EML6: variants seen among roughly 807,000 people sequenced by gnomAD.
The protein encoded by EML6 is EMAP like 6.
In EML6, 154 loss-of-function variants were observed where a neutral mutation model predicts 240.1. The ratio of observed to expected loss-of-function variants is 0.64; its 90% CI spans 0.56 to 0.73. The LOEUF (loss-of-function observed/expected upper bound fraction) is 0.73. EML6 is among the 30% of genes least tolerant of loss of function. The pLI is 0.00. For missense variants in EML6, 2,964 were observed against 2,474.6 expected, an observed-to-expected ratio of 1.20 and a Z score of -4.20; for synonymous variants, 1,148 against 899.0, an observed-to-expected ratio of 1.28 and a Z score of -4.95.
At chr2:54,846,206 G>C (rs577458944) in intron 8 of EML6, among the ~76,000 whole-genome samples, 3 of 152,144 alleles carry the variant, frequency 2.0e-5, no homozygotes, top group African/African-American at 7.2e-5. Flanking sequence ...AGGGAAGCTT[G>C]TGAGGAGCAA....
intron 2 of EML6, among the ~76,000 whole-genome samples, chr2:54,803,153 TGTTCTTAACCACAAGAGCAAA>T (rs1670272747): frequency 6.6e-6 from 1 of 152,000 alleles, no homozygotes; most frequent in African/African-American, 2.4e-5. Context: ...GGAAGGGAGT[TGTTCTTAACCACAAGAGCAAA>T]ACAAAAGCCA....
chr2:54,843,840 A>T (rs1165561148), intron 7 of EML6, among the ~76,000 whole-genome samples: 8 of 48,238 alleles, frequency 1.7e-4, no homozygotes, highest in Admixed American at 1.4e-3. Flanking sequence ...GCAAGACTCC[A>T]TCTCAAAAAA....
rs544930301 is a variant in EML6, at chr2:54,800,708, C to T, written c.198-12524C>T. On this transcript the variant is annotated intron_variant, in intron 2 of 41. Coordinates refer to ENST00000356458, the MANE Select transcript of EML6 (RefSeq NM_001039753.4). Reference sequence around the variant, plus strand: ...CTTGGATGGGTAGATGGATGAACCACCATTCTGGATAGTAATTTTCGTGGT... The same window carrying T: ...CTTGGATGGGTAGATGGATGAACCATCATTCTGGATAGTAATTTTCGTGGT... 2.0e-5 allele frequency among the ~76,000 whole-genome samples: 3 copies of T among 152,180 alleles called. No homozygotes were observed. In the South Asian group the frequency reaches 6.2e-4, roughly 32 times the overall value.
At chr2:54,899,507 G>A in intron 21 of EML6, 134 bp from the exon 22 acceptor site, 1 of 842,980 alleles carries the variant, frequency 1.2e-6, no homozygotes, top group East Asian at 2.9e-5. Flanking sequence ...TTGGTTCAAG[G>A]AAGCTCAAAG....
At chr2:54,902,395 G>GAGAT (rs2104215325) in intron 22 of EML6, among the ~76,000 whole-genome samples, 1 of 152,210 alleles carries the variant, frequency 6.6e-6, no homozygotes, top group African/African-American at 2.4e-5. Flanking sequence ...TTGGGGAGAA[G>GAGAT]AGATACTTAA....
intron 26 of EML6, among the ~76,000 whole-genome samples, chr2:54,925,908 C>A (rs764893761): frequency 1.3e-5 from 2 of 152,128 alleles, no homozygotes; most frequent in African/African-American, 4.8e-5. Flanking sequence ...ACCCTCCATG[C>A]CCTCAAGTCC....
chr2:54,868,408 T>G (rs1303221665), intron 14 of EML6: 9 of 152,242 alleles, frequency 5.9e-5, no homozygotes, highest in Non-Finnish European at 1.3e-4. Flanking sequence ...TTTATATTAC[T>G]TACTGTTAGA....
At chr2:54,823,595 G>T (rs1471914938) in intron 5 of EML6, among the ~76,000 whole-genome samples, 1 of 152,078 alleles carries the variant, frequency 6.6e-6, no homozygotes, top group Admixed American at 6.6e-5. Context: ...ACTAAAATAT[G>T]AAAATTGTTT....
chr2:54,961,894 C>G (rs1676534505), intron 35 of EML6, among the ~76,000 whole-genome samples: 2 of 151,376 alleles, frequency 1.3e-5, no homozygotes, highest in African/African-American at 2.4e-5. Context: ...GTCCTAGCTA[C>G]TGGGGAGGCT....
rs1176570824 is a variant in EML6, at chr2:54,908,072, G to A, written c.3410-2882G>A. On this transcript the variant is annotated intron_variant, in intron 24 of 41. Coordinates refer to ENST00000356458, the MANE Select transcript of EML6 (RefSeq NM_001039753.4). Reference sequence around the variant, plus strand: ...CCTCATGCTTAAGAAACATGTATTAGCAGCAGTAAAGAAAATTTTGGTTTT... The same window carrying A: ...CCTCATGCTTAAGAAACATGTATTAACAGCAGTAAAGAAAATTTTGGTTTT... Among the ~76,000 whole-genome samples, 3 of 152,030 alleles carry A rather than the reference G, an allele frequency of 2.0e-5. 1 individual carries two copies. The highest frequency in any genetic ancestry group is 4.4e-5 in the Non-Finnish European group (3 of 67,992).
At chr2:54,898,017 T>C (rs924553949) in intron 21 of EML6, among the ~76,000 whole-genome samples, 2 of 152,106 alleles carry the variant, frequency 1.3e-5, no homozygotes, top group African/African-American at 4.8e-5. Flanking sequence ...CAATCACAGT[T>C]GGAATAGACT....
Position 54,922,836 on chromosome 2 carries a change from T to TA in EML6, c.3676-5471dup, listed in dbSNP as rs376699350. Among the ~76,000 whole-genome samples the TA allele has an allele frequency of 2.6e-4, 40 of 150,988 alleles. 1 individual carries two copies. Among genetic ancestry groups the TA allele is most frequent in the African/African-American group, 9.5e-4 (39 of 41,044 alleles). The stretch of plus-strand genomic sequence containing the variant: ...TGTGATCTCACATATACGTGGAAGC[T>TA]AAAAAAGTTGAACTCACAGAAGTAG... On this transcript the variant is annotated intron_variant, in intron 26 of 41. Coordinates refer to ENST00000356458, the MANE Select transcript of EML6 (RefSeq NM_001039753.4).
At chr2:54,847,758 A>G (rs1337633324) in intron 9 of EML6, 135 bp downstream of exon 9, 1 of 782,356 alleles carries the variant, frequency 1.3e-6, no homozygotes, top group Non-Finnish European at 1.8e-6. Context: ...TAGATCTACG[A>G]TCCCCTATCT....
At chr2:54,882,870 A>AG (rs1671902940) in intron 17 of EML6, 1 of 142,200 alleles carries the variant, frequency 7.0e-6, no homozygotes. Flanking sequence ...AAAAAAAAAA[A>AG]AAAAGAAAGC....
intron 7 of EML6, among the ~76,000 whole-genome samples, chr2:54,835,135 A>G (rs893816157): frequency 6.6e-6 from 1 of 152,202 alleles, no homozygotes; most frequent in Non-Finnish European, 1.5e-5. Context: ...AATAAAGCCT[A>G]TGCTGATGAT....
At chr2:54,816,343 T>C (rs1668081570) in intron 3 of EML6, among the ~76,000 whole-genome samples, 2 of 152,230 alleles carry the variant, frequency 1.3e-5, no homozygotes, top group South Asian at 4.1e-4. Flanking sequence ...AAACTAAAAA[T>C]TAATGTTCAT....
intron 2 of EML6, among the ~76,000 whole-genome samples, chr2:54,803,847 G>A (rs574033473): frequency 1.3e-5 from 2 of 152,136 alleles, no homozygotes; most frequent in Non-Finnish European, 2.9e-5. Flanking sequence ...AATACAGCTG[G>A]TCACCTCTCC....
intron 12 of EML6, 78 bp from the exon 13 acceptor site, chr2:54,863,705 G>T: frequency 2.7e-6 from 2 of 736,768 alleles, no homozygotes; most frequent in Admixed American, 2.7e-5. Context: ...TAGGATAAAA[G>T]GAAAAATATT....
At chr2:54,762,377 A>G (rs1394248968) in intron 2 of EML6, among the ~76,000 whole-genome samples, 1 of 152,120 alleles carries the variant, frequency 6.6e-6, no homozygotes, top group East Asian at 1.9e-4. Context: ...GTTCAATCTG[A>G]TCATGGTAAA....
Sources: gnomAD v4.1 joint callset for allele counts (sites outside exome capture counted in the v4.1 genomes callset) on GRCh38, gnomAD v4.1.1 for gene constraint, MANE v1.5 for transcripts, NCBI Gene and HGNC (gene_info 2026-07-23, HGNC 2026-07-21) for gene names.